MGAT4C: variants seen among roughly 807,000 people sequenced by gnomAD.
MGAT4C encodes alpha-1,3-mannosyl-glycoprotein 4-beta-N-acetylglucosaminyltransferase C.
Under a neutral mutation model 40.1 loss-of-function variants are expected in MGAT4C, and 19 were observed. That is an observed-to-expected ratio of 0.47 (90% CI 0.33 to 0.70). MGAT4C has a LOEUF of 0.70. Among genes scored for constraint, MGAT4C ranks in the 30% least tolerant of loss-of-function variants. The probability of loss-of-function intolerance (pLI) is 0.02; values close to 1 mark genes in which losing one functional copy is unlikely to be tolerated. For missense variants in MGAT4C, 491 were observed against 563.2 expected (o/e 0.87, Z 1.30); for synonymous variants, 181 against 187.1 (o/e 0.97, Z 0.27).
intron 4 of MGAT4C, among the ~76,000 whole-genome samples, chr12:86,299,722 G>A (rs1470190673): frequency 6.6e-6 from 1 of 152,014 alleles, no homozygotes; most frequent in Non-Finnish European, 1.5e-5. Context: ...CAATATAAAA[G>A]GTATTTGCTT....
At chr12:86,797,657 T>C (rs754439069) in intron 1 of MGAT4C, among the ~76,000 whole-genome samples, 1 of 151,970 alleles carries the variant, frequency 6.6e-6, no homozygotes, top group Admixed American at 6.6e-5. Flanking sequence ...ATATCCTTTA[T>C]GTAGCCATCT....
intron 3 of MGAT4C, among the ~76,000 whole-genome samples, chr12:86,391,101 C>T (rs1034537083): frequency 4.6e-5 from 7 of 152,096 alleles, no homozygotes; most frequent in Non-Finnish European, 8.8e-5. Context: ...CGTAAAATCT[C>T]TTGCAATTTT....
chr12:86,645,265 G>A (rs1351655813), intron 2 of MGAT4C, among the ~76,000 whole-genome samples: 5 of 151,658 alleles, frequency 3.3e-5, no homozygotes, highest in Non-Finnish European at 7.4e-5. Flanking sequence ...TGGGATGGAA[G>A]AGGCTAGCAG....
At chr12:86,253,601 A>G (rs1192962983) in intron 1 of MGAT4C, among the ~76,000 whole-genome samples, 1 of 152,018 alleles carries the variant, frequency 6.6e-6, no homozygotes, top group East Asian at 1.9e-4. Context: ...ATGCATAAAA[A>G]CATTACATTT....
At position 85,989,490 on chromosome 12, in the gene MGAT4C, GC is replaced by G. The variant is rs1885634502; in HGVS notation, c.56del (p.Cys19SerfsTer2). 6.2e-7 allele frequency: 1 copy of G among 1,604,864 alleles called. No homozygotes were observed. The highest frequency in any genetic ancestry group is 8.5e-7 in the Non-Finnish European group (1 of 1,174,242). ...HIFEILDKMRCLRKRSTVSFL... is the reference protein window; with the variant it reads ...HIFEILDKMRXLRKRSTVSFL... ...ATGACACTGTAGAACGTTTTCTCAG[GC>G]ATCTCATTTTATCAAGTATTTCAAA... On this transcript the variant is annotated frameshift_variant, in exon 3 of 5. Coordinates refer to ENST00000611864, the MANE Select transcript of MGAT4C (RefSeq NM_001351288.2). LOFTEE classifies it high-confidence loss of function.
intron 2 of MGAT4C, among the ~76,000 whole-genome samples, chr12:86,616,804 C>A (rs1319658589): frequency 6.6e-6 from 1 of 151,232 alleles, no homozygotes; most frequent in Non-Finnish European, 1.5e-5. Flanking sequence ...GAAAAGTAAA[C>A]ATATGTATCC....
At chr12:86,650,319 C>A (rs1003760283) in intron 2 of MGAT4C, among the ~76,000 whole-genome samples, 3 of 151,856 alleles carry the variant, frequency 2.0e-5, no homozygotes, top group Non-Finnish European at 4.4e-5. Flanking sequence ...CATAGTTGTG[C>A]TTCTGCATCA....
intron 2 of MGAT4C, among the ~76,000 whole-genome samples, chr12:86,721,346 A>G (rs1950732823): frequency 6.6e-6 from 1 of 152,064 alleles, no homozygotes; most frequent in Non-Finnish European, 1.5e-5. Flanking sequence ...ATTAGAAGAA[A>G]CATAATTAAG....
chr12:86,741,072 G>C (rs1241883142), intron 1 of MGAT4C, among the ~76,000 whole-genome samples: 1 of 150,808 alleles, frequency 6.6e-6, no homozygotes, highest in African/African-American at 2.4e-5. Flanking sequence ...TCAATGTTTA[G>C]CTCCCGCTTG....
intron 2 of MGAT4C, among the ~76,000 whole-genome samples, chr12:86,436,106 G>A (rs1957132100): frequency 6.6e-6 from 1 of 151,800 alleles, no homozygotes; most frequent in South Asian, 2.1e-4. Flanking sequence ...TGGGTTTAAA[G>A]CCTGGTTAAG....
chr12:85,988,877 T>A (rs1399279804), intron 3 of MGAT4C, among the ~76,000 whole-genome samples: 1 of 151,984 alleles, frequency 6.6e-6, no homozygotes, highest in Non-Finnish European at 1.5e-5. Context: ...TTTCAGTGGG[T>A]ACAAATATAA....
At chr12:86,356,676 C>G (rs1413448433) in intron 3 of MGAT4C, among the ~76,000 whole-genome samples, 18 of 152,166 alleles carry the variant, frequency 1.2e-4, no homozygotes, top group Non-Finnish European at 1.5e-5. Context: ...GAGATTATAT[C>G]CCGCGTCTGG....
upstream of MGAT4C, among the ~76,000 whole-genome samples, chr12:86,260,308 C>T (rs1414786015): frequency 6.6e-6 from 1 of 152,136 alleles, no homozygotes; most frequent in Non-Finnish European, 1.5e-5. Flanking sequence ...AAAGTAAGCA[C>T]ATCTGTCCCT....
intron 1 of MGAT4C, among the ~76,000 whole-genome samples, chr12:86,254,754 T>C (rs143529488): frequency 2.6e-5 from 4 of 152,188 alleles, no homozygotes; most frequent in African/African-American, 9.6e-5. Context: ...TAGATGTATA[T>C]TGGAAGCTTT....
At chr12:86,785,386 G>T (rs576986025) in intron 1 of MGAT4C, among the ~76,000 whole-genome samples, 1 of 151,894 alleles carries the variant, frequency 6.6e-6, no homozygotes, top group Non-Finnish European at 1.5e-5. Context: ...CACAATTAAA[G>T]TATAAGCACA....
intron 1 of MGAT4C, among the ~76,000 whole-genome samples, chr12:86,182,461 A>T (rs1888232334): frequency 6.6e-6 from 1 of 152,104 alleles, no homozygotes; most frequent in African/African-American, 2.4e-5. Context: ...GCTTGTTCAC[A>T]TGTGCTAATG....
chr12:86,814,244 G>GTA (rs1317959039), intron 1 of MGAT4C, among the ~76,000 whole-genome samples: 1 of 144,890 alleles, frequency 6.9e-6, no homozygotes, highest in Non-Finnish European at 1.5e-5. Flanking sequence ...GCATATACGT[G>GTA]TATATATATA....
chr12:86,597,313 T>C (rs1961578112), intron 2 of MGAT4C, among the ~76,000 whole-genome samples: 1 of 152,132 alleles, frequency 6.6e-6, no homozygotes, highest in African/African-American at 2.4e-5. Context: ...TATTAGCTCT[T>C]GCCTCCAGAT....
In MGAT4C at chr12:86,489,947, T is replaced by C. The variant is rs142233488; in HGVS notation, c.-228-54682A>G. On this transcript the variant is annotated intron_variant, in intron 2 of 7. Coordinates refer to the MGAT4C transcript ENST00000548651. Reference sequence around the variant, plus strand: ...GTGAAAAGACCAAATCTACGTCTAATTGGTGTACCTGAAAGTGACGGGGAG... The same window carrying C: ...GTGAAAAGACCAAATCTACGTCTAACTGGTGTACCTGAAAGTGACGGGGAG... Among the ~76,000 whole-genome samples the C allele has an allele frequency of 3.7e-3, 566 of 152,196 alleles. 14 individuals are homozygous for C. The East Asian group carries it at 0.076, about 20-fold the overall frequency.
Sources: allele counts gnomAD v4.1 joint callset (sites outside exome capture counted in the v4.1 genomes callset), GRCh38; gene constraint gnomAD v4.1.1; transcripts MANE v1.5; gene names NCBI Gene and HGNC (gene_info 2026-07-23, HGNC 2026-07-21).